ZNF527: variants seen among roughly 807,000 people sequenced by gnomAD.
ZNF527 encodes the protein zinc finger protein 527.
Under a neutral mutation model 13.5 loss-of-function variants are expected in ZNF527, and 5 were observed. The observed-to-expected ratio is 0.37, with a 90% confidence interval of 0.19 to 0.78. The LOEUF (loss-of-function observed/expected upper bound fraction) is 0.78, where lower values mean the gene tolerates loss of function less well. Among genes scored for constraint, ZNF527 ranks in the 30% least tolerant of loss-of-function variants. The probability of loss-of-function intolerance (pLI) is 0.48; values close to 1 mark genes in which losing one functional copy is unlikely to be tolerated. For synonymous variants in ZNF527, 209 were observed against 243.1 expected, an observed-to-expected ratio of 0.86 and a Z score of 1.30; for missense variants, 628 against 726.4, an observed-to-expected ratio of 0.86 and a Z score of 1.56.
chr19:37,373,331 G>A (rs1374339432), intron 1 of ZNF527, among the ~76,000 whole-genome samples: 1 of 152,132 alleles, frequency 6.6e-6, no homozygotes, highest in Non-Finnish European at 1.5e-5. Context: ...GGATTATGTC[G>A]GACCTAGTCT....
chr19:37,373,805 C>T (rs1332642182), intron 1 of ZNF527, among the ~76,000 whole-genome samples: 1 of 152,072 alleles, frequency 6.6e-6, no homozygotes, highest in Non-Finnish European at 1.5e-5. Flanking sequence ...AAGGGGTGTA[C>T]AGTGTTTGAG....
At chr19:37,373,124 C>A (rs1052291746) in intron 1 of ZNF527, among the ~76,000 whole-genome samples, 1 of 152,172 alleles carries the variant, frequency 6.6e-6, no homozygotes, top group Non-Finnish European at 1.5e-5. Flanking sequence ...TAATACCTAT[C>A]TTTGTAGTTT....
Position 37,389,727 on chromosome 19 carries a change from G to A in ZNF527, c.1678G>A (p.Gly560Arg). ...GEKPYECSEC[G>R]KAFHQILSLR... ...GAAACCCTATGAATGTAGTGAATGT[G>A]GGAAGGCTTTTCATCAGATCTTGTC... Residue 560 changes from glycine to arginine, a missense_variant, in exon 5 of 5, where the codon GGG (glycine) becomes AGG (arginine). Gly to Arg is a moderately radical substitution (Grantham distance 125). This residue lies in a region of ZNF527 where 592 missense variants were observed against 678.0 expected (regional missense o/e 0.87). Coordinates refer to ENST00000436120, the MANE Select transcript of ZNF527 (RefSeq NM_032453.2). 6.2e-7 allele frequency: 1 copy of A among 1,613,964 alleles called. No individual in the cohort carries two copies. The highest frequency in any genetic ancestry group is 1.1e-5 in the South Asian group (1 of 91,082).
intron 4 of ZNF527, among the ~76,000 whole-genome samples, chr19:37,381,314 G>A (rs1483654793): frequency 6.6e-6 from 1 of 152,144 alleles, no homozygotes; most frequent in Non-Finnish European, 1.5e-5. Context: ...CATATTAGGT[G>A]ATCTATCCAC....
At chr19:37,382,281 ATAGG>A (rs1307497974) in intron 4 of ZNF527, among the ~76,000 whole-genome samples, 1 of 120,666 alleles carries the variant, frequency 8.3e-6, no homozygotes, top group Non-Finnish European at 1.8e-5. Flanking sequence ...AGATAGATAG[ATAGG>A]TAGATAGATA....
In ZNF527 at chr19:37,388,959, T is replaced by C. The variant is rs780071080; in HGVS notation, c.910T>C (p.Cys304Arg). ...RIHSGEKPYA[C>R]NDCGKAFSHD... ...TCACAGTGGAGAAAAACCATATGCA[T>C]GCAATGACTGTGGAAAAGCCTTTAG... Residue 304 changes from cysteine to arginine, a missense_variant, in exon 5 of 5, where the codon TGC becomes CGC. Around this residue, in one of 3 missense-constraint regions of ZNF527, gnomAD observed 592 missense variants for 678.0 expected, o/e 0.87. Coordinates refer to ENST00000436120, the MANE Select transcript of ZNF527 (RefSeq NM_032453.2). The C allele has an allele frequency of 7.7e-6, 12 of 1,562,890 alleles. No homozygotes were observed. Among genetic ancestry groups the C allele is most frequent in the South Asian group, 3.4e-5 (3 of 89,078 alleles).
At chr19:37,378,993 G>C in intron 2 of ZNF527, 127 bp from the exon 3 acceptor site, 1 of 1,002,798 alleles carries the variant, frequency 1.0e-6, no homozygotes, top group Non-Finnish European at 1.5e-6. Context: ...ACCTCAGCAT[G>C]TAATTGTTCT....
At position 37,375,400 on chromosome 19, in the gene ZNF527, C is replaced by T. The variant is rs558299616; in HGVS notation, c.33+1169C>T. Reference sequence around the variant, plus strand: ...TTTTTGAGATGGAGTGTTGCTCTGTCGCTCAGGCTGGAGTGCAATGGCGCA... The same window carrying T: ...TTTTTGAGATGGAGTGTTGCTCTGTTGCTCAGGCTGGAGTGCAATGGCGCA... On this transcript the variant is annotated intron_variant, in intron 2 of 4. Transcript: ENST00000436120. Among the ~76,000 whole-genome samples the T allele has an allele frequency of 1.1e-4, 15 of 142,300 alleles. No individual in the cohort carries two copies. In the South Asian group the frequency reaches 1.4e-3, roughly 13 times the overall value. The allele number at this position is 142,300 out of a possible 152,430, so 93.4% of individuals were successfully genotyped here. A position where few individuals can be genotyped will look rare whatever the true frequency, so the allele number is the denominator to read the frequency against.
chr19:37,384,935 G>A (rs1363305734), intron 4 of ZNF527: 16 of 701,500 alleles, frequency 2.3e-5, no homozygotes, highest in East Asian at 8.1e-5. Flanking sequence ...CTATACCTAC[G>A]GAACTCAAGC....
Position 37,374,185 on chromosome 19 carries a change from C to A in ZNF527, c.-14C>A, listed in dbSNP as rs1418073175. The A allele has an allele frequency of 5.6e-6, 9 of 1,613,532 alleles. No individual in the cohort carries two copies. The highest frequency in any genetic ancestry group is 1.3e-5 in the African/African-American group (1 of 74,882). The stretch of plus-strand genomic sequence containing the variant: ...CTTTGTTCTTCTTCAGAAGAGAAAA[C>A]TGAAGAAGGAGGAATGGCTGTGGGG... On this transcript the variant is annotated 5_prime_UTR_variant, in exon 2 of 5. The change creates a new upstream start codon in the 5' untranslated region. Transcript: ENST00000436120.
At chr19:37,375,290 CTT>C (rs375484749) in intron 2 of ZNF527, among the ~76,000 whole-genome samples, 3 of 112,348 alleles carry the variant, frequency 2.7e-5, no homozygotes, top group African/African-American at 1.2e-4. Flanking sequence ...TTCTTTCTTT[CTT>C]TCTTTCTTTC....
intron 2 of ZNF527, among the ~76,000 whole-genome samples, chr19:37,375,322 T>TC (rs1336737135): frequency 6.8e-6 from 1 of 146,384 alleles, no homozygotes. Context: ...TTTCTTTCTT[T>TC]CTTTCTTTCT....
At chr19:37,385,639 T>A (rs1419394136) in intron 4 of ZNF527, 1 of 298,684 alleles carries the variant, frequency 3.3e-6, no homozygotes, top group Non-Finnish European at 6.1e-6. Flanking sequence ...GGAATTCTGG[T>A]TGAAACTGAT....
intron 2 of ZNF527, among the ~76,000 whole-genome samples, chr19:37,375,595 G>A (rs149704124): frequency 8.7e-4 from 132 of 151,842 alleles, no homozygotes; most frequent in African/African-American, 3.0e-3. Flanking sequence ...TCCTGACCTC[G>A]TGATCTGCCT....
Position 37,389,513 on chromosome 19 carries a change from T to C in ZNF527, c.1464T>C (p.His488=). 6.2e-7 allele frequency: 1 copy of C among 1,614,128 alleles called. No homozygotes were observed. The highest frequency in any genetic ancestry group is 8.5e-7 in the Non-Finnish European group (1 of 1,180,036). Residue 488 remains histidine (H), a synonymous_variant, in exon 5 of 5, where the codon CAT becomes CAC. Coordinates refer to ENST00000436120, the MANE Select transcript of ZNF527 (RefSeq NM_032453.2). ...FFRTDSQLNR[H]HRIHTGERPF... is the part of the protein sequence containing the mutation. ...GGACTGACTCACAACTTAATCGACA[T>C]CATAGAATTCACACTGGAGAGAGAC...
In ZNF527 at chr19:37,380,281, C is replaced by T; in HGVS notation, c.165C>T (p.Leu55=). ...TTTTTCTTCCCCTGTGAACAGGACT[C>T]TCCATTTCTAAGCCCAACATGATCT... ...ENYRNLVWLG[L]SISKPNMISL... The change falls in exon 4 of 5, where the codon CTC becomes CTT. Residue 55 remains leucine, a synonymous_variant. Transcript: ENST00000436120. 4 of 1,613,988 alleles carry T rather than the reference C, an allele frequency of 2.5e-6. No homozygotes were observed. Among genetic ancestry groups the T allele is most frequent in the Non-Finnish European group, 3.4e-6 (4 of 1,179,906 alleles).
chr19:37,388,577 A>C lies in ZNF527; in HGVS notation c.528A>C (p.Ser176=). 1 of 1,614,210 alleles carries C rather than the reference A, an allele frequency of 6.2e-7. No homozygotes were observed. Among genetic ancestry groups the C allele is most frequent in the Non-Finnish European group, 8.5e-7 (1 of 1,180,034 alleles). ...SNSGRSIPLK[S]VFLTQQKVPT... ...CTGGGAGAAGCATACCCCTGAAATC[A>C]GTATTTTTAACACAACAGAAAGTTC... Residue 176 remains serine (S), a synonymous_variant, in exon 5 of 5, where the codon TCA becomes TCC. Transcript: ENST00000436120.
intron 4 of ZNF527, among the ~76,000 whole-genome samples, chr19:37,384,571 C>T (rs1343904859): frequency 6.6e-6 from 1 of 151,892 alleles, no homozygotes; most frequent in African/African-American, 2.4e-5. Flanking sequence ...TTTTAATTTA[C>T]AAGATACTCA....
At position 37,392,199 on chromosome 19, in the gene ZNF527, T is replaced by A. The variant is rs1250908152; in HGVS notation, c.*2320T>A. Reference sequence around the variant, plus strand: ...ATATTAATATTATAAGCTTAATTCATGTCATCATTTCTTTATTTTTTATTA... The same window carrying A: ...ATATTAATATTATAAGCTTAATTCAAGTCATCATTTCTTTATTTTTTATTA... On this transcript the variant is annotated 3_prime_UTR_variant, in exon 5 of 5. Transcript: ENST00000436120. 6.6e-6 allele frequency: 1 copy of A among 152,100 alleles called. No individual in the cohort carries two copies. The highest frequency in any genetic ancestry group is 1.9e-4 in the East Asian group (1 of 5,192). 9.4% of individuals were successfully genotyped at this position (152,100 alleles called of 1,614,324 possible).
Sources: gnomAD v4.1 joint callset for allele counts (sites outside exome capture counted in the v4.1 genomes callset) on GRCh38, gnomAD v4.1.1 for gene constraint, gnomAD v4.1.1 regional missense constraint, MANE v1.5 for transcripts, NCBI Gene and HGNC (gene_info 2026-07-23, HGNC 2026-07-21) for gene names.